Variants in SLC35B4 observed in about 807,000 individuals in gnomAD.
SLC35B4 encodes the protein solute carrier family 35 member B4.
In SLC35B4, 28 loss-of-function variants were observed where a neutral mutation model predicts 39.5. The ratio of observed to expected loss-of-function variants is 0.71; its 90% CI spans 0.53 to 0.97. The LOEUF (loss-of-function observed/expected upper bound fraction) is 0.97, where lower values mean the gene tolerates loss of function less well. SLC35B4 is among the 50% of genes least tolerant of loss of function. The probability of loss-of-function intolerance (pLI) is 0.00; values close to 1 mark genes in which losing one functional copy is unlikely to be tolerated. For synonymous variants in SLC35B4, 145 were observed against 150.4 expected, an observed-to-expected ratio of 0.96 and a Z score of 0.26; for missense variants, 334 against 414.3, an observed-to-expected ratio of 0.81 and a Z score of 1.68.
At chr7:134,298,250 A>G (rs1040234825) in intron 8 of SLC35B4, among the ~76,000 whole-genome samples, 1 of 152,216 alleles carries the variant, frequency 6.6e-6, no homozygotes, top group African/African-American at 2.4e-5. Flanking sequence ...TATTGAAATG[A>G]AAAGGAAGTT....
At chr7:134,307,302 A>C (rs1474582087) in intron 2 of SLC35B4, among the ~76,000 whole-genome samples, 4 of 151,106 alleles carry the variant, frequency 2.6e-5, no homozygotes, top group African/African-American at 9.8e-5. Context: ...CTGTTTTTTG[A>C]AAGTTTATAG....
chr7:134,305,816 G>A (rs1326077618), intron 3 of SLC35B4, among the ~76,000 whole-genome samples: 7 of 151,998 alleles, frequency 4.6e-5, no homozygotes, highest in African/African-American at 7.2e-5. Flanking sequence ...GATTACAGGC[G>A]TGTGCCACCA....
intron 6 of SLC35B4, among the ~76,000 whole-genome samples, chr7:134,301,249 G>T (rs1238171126): frequency 6.6e-6 from 1 of 152,140 alleles, no homozygotes; most frequent in African/African-American, 2.4e-5. Flanking sequence ...AGCTCTACAG[G>T]AGCTGCCTAT....
chr7:134,300,440 ATCT>A (rs1358511558), intron 6 of SLC35B4, among the ~76,000 whole-genome samples, 179 bp from the exon 7 acceptor site: 2 of 152,204 alleles, frequency 1.3e-5, no homozygotes, highest in African/African-American at 4.8e-5. Context: ...AGCTTTCTAC[ATCT>A]TCTTATATAT....
chr7:134,316,428 C>G (rs1260717432), intron 1 of SLC35B4, among the ~76,000 whole-genome samples: 1 of 152,256 alleles, frequency 6.6e-6, no homozygotes, highest in Non-Finnish European at 1.5e-5. Flanking sequence ...GAGTCTTCCC[C>G]TCGCAGGAAT....
In SLC35B4 at chr7:134,300,464, A is replaced by C. The variant is rs139283960; in HGVS notation, c.488-203T>G. ...CATCTTCTTATATATTCATTTATGT[A>C]AATTTTTTTACACTAAGACAGGATC... On this transcript the variant is annotated intron_variant, in intron 6 of 9. Coordinates refer to ENST00000378509, the MANE Select transcript of SLC35B4 (RefSeq NM_032826.5). 7.4e-4 allele frequency among the ~76,000 whole-genome samples: 112 copies of C among 152,332 alleles called. 2 individuals are homozygous for C. In the East Asian group the frequency reaches 0.02, roughly 28 times the overall value.
At chr7:134,304,920 A>G in intron 3 of SLC35B4, 66 bp from the exon 4 acceptor site, 2 of 1,249,520 alleles carry the variant, frequency 1.6e-6, no homozygotes, top group Non-Finnish European at 2.3e-6. Context: ...GTAATTCGAG[A>G]GAATAGGAAC....
Position 134,294,639 on chromosome 7 carries a change from T to C in SLC35B4, c.*194A>G, listed in dbSNP as rs1256617311. The C allele has an allele frequency of 3.3e-6, 2 of 601,014 alleles. No individual in the cohort carries two copies. Among genetic ancestry groups the C allele is most frequent in the African/African-American group, 3.7e-5 (2 of 54,044 alleles). The allele number at this position is 601,014 out of a possible 1,614,324, so 37.2% of individuals were successfully genotyped here. A position where few individuals can be genotyped will look rare whatever the true frequency, so the allele number is the denominator to read the frequency against. ...TCCAGAACTGTTCTTTTTTCTATTT[T>C]AGGGCTGAGGGGTTTCTATTTAGTC... On this transcript the variant is annotated 3_prime_UTR_variant, in exon 10 of 10. Coordinates refer to ENST00000378509, the MANE Select transcript of SLC35B4 (RefSeq NM_032826.5).
intron 9 of SLC35B4, among the ~76,000 whole-genome samples, chr7:134,295,371 T>A (rs1429528932): frequency 6.6e-6 from 1 of 151,994 alleles, no homozygotes; most frequent in East Asian, 1.9e-4. Flanking sequence ...AGGGTGACGC[T>A]CTCGGTAAGG....
intron 8 of SLC35B4, among the ~76,000 whole-genome samples, chr7:134,297,058 C>T (rs1341921248): frequency 6.6e-6 from 1 of 152,300 alleles, no homozygotes; most frequent in East Asian, 1.9e-4. Flanking sequence ...GTAGCTGGGA[C>T]TACAGGCACA....
upstream of SLC35B4, among the ~76,000 whole-genome samples, chr7:134,319,461 T>G (rs1355747029): frequency 1.3e-5 from 2 of 152,330 alleles, no homozygotes; most frequent in African/African-American, 2.4e-5. Context: ...TCCAGTTTCC[T>G]TAATGGGCTC....
rs565414410 is a variant in SLC35B4, at chr7:134,297,846, C to T, written c.674-1380G>A. On this transcript the variant is annotated intron_variant, in intron 8 of 9. Coordinates refer to ENST00000378509, the MANE Select transcript of SLC35B4 (RefSeq NM_032826.5). ...GGCCCAGGAGCTCGAGACCAATCTA[C>T]CATTCTGGGCAACAGGGAGGTCCTG... Among the ~76,000 whole-genome samples, 5 of 152,292 alleles carry T rather than the reference C, an allele frequency of 3.3e-5. No homozygotes were observed. In the East Asian group the frequency reaches 9.6e-4, roughly 29 times the overall value.
rs1803348738 is a variant in SLC35B4, at chr7:134,292,308, A to G, written c.*2525T>C. ...AAGTATTAACTGGTGTCCATTAGAC[A>G]TATTTCCTTATATTCAGCTACTAGA... On this transcript the variant is annotated 3_prime_UTR_variant, in exon 10 of 10. Coordinates refer to ENST00000378509, the MANE Select transcript of SLC35B4 (RefSeq NM_032826.5). 6.6e-6 allele frequency: 1 copy of G among 152,606 alleles called. No individual in the cohort carries two copies. Among genetic ancestry groups the G allele is most frequent in the South Asian group, 2.1e-4 (1 of 4,838 alleles). 9.5% of individuals were successfully genotyped at this position (152,606 alleles called of 1,614,324 possible). A position where few individuals can be genotyped will look rare whatever the true frequency, so the allele number is the denominator to read the frequency against.
At chr7:134,312,621 T>A (rs937586614) in intron 1 of SLC35B4, among the ~76,000 whole-genome samples, 2 of 152,344 alleles carry the variant, frequency 1.3e-5, no homozygotes, top group East Asian at 1.9e-4. Context: ...TAGAATCTTA[T>A]AATTTCTACA....
chr7:134,289,768 T>C lies in SLC35B4; in HGVS notation c.*5065A>G, dbSNP rs1030455476. 1 of 152,204 alleles carries C rather than the reference T, an allele frequency of 6.6e-6. No individual in the cohort carries two copies. The highest frequency in any genetic ancestry group is 2.4e-5 in the African/African-American group (1 of 41,452). 9.4% of individuals were successfully genotyped at this position (152,204 alleles called of 1,614,324 possible). A position where few individuals can be genotyped will look rare whatever the true frequency, so the allele number is the denominator to read the frequency against. ...TGCTCTCTTTGGTTCACAAGAGTCATCTATGCATTTCAAAAGATATCAGTA... is the reference window on the plus strand; with the variant it reads ...TGCTCTCTTTGGTTCACAAGAGTCACCTATGCATTTCAAAAGATATCAGTA... On this transcript the variant is annotated 3_prime_UTR_variant, in exon 10 of 10. Coordinates refer to ENST00000378509, the MANE Select transcript of SLC35B4 (RefSeq NM_032826.5).
At chr7:134,299,374 C>T (rs1018933012) in intron 8 of SLC35B4, 149 bp downstream of exon 8, 3 of 500,546 alleles carry the variant, frequency 6.0e-6, no homozygotes, top group Non-Finnish European at 1.1e-5. Context: ...TTTGCTGCTG[C>T]AATGACTGGA....
rs1803307122 is a variant in SLC35B4 at position 134,290,369 on chromosome 7, A to AT, written c.*4463_*4464insA. Reference sequence around the variant, plus strand: ...TGAGGAGTGGGAACAGGTATCACGAACCCTCAGGTTTTCCAGAAACTTGAG... The same window carrying AT: ...TGAGGAGTGGGAACAGGTATCACGAATCCCTCAGGTTTTCCAGAAACTTGAG... On this transcript the variant is annotated 3_prime_UTR_variant, in exon 10 of 10. Coordinates refer to ENST00000378509, the MANE Select transcript of SLC35B4 (RefSeq NM_032826.5). 6.6e-6 allele frequency: 1 copy of AT among 152,122 alleles called. No homozygotes were observed. The highest frequency in any genetic ancestry group is 1.5e-5 in the Non-Finnish European group (1 of 68,034). 9.4% of individuals were successfully genotyped at this position (152,122 alleles called of 1,614,324 possible).
upstream of SLC35B4, among the ~76,000 whole-genome samples, chr7:134,319,809 G>A (rs958972941): frequency 1.3e-5 from 2 of 152,072 alleles, no homozygotes; most frequent in African/African-American, 4.8e-5. Flanking sequence ...AAAGTTTTCG[G>A]TCTTCCTCTT....
In SLC35B4 at chr7:134,290,417, A is replaced by G. The variant is rs1803308116; in HGVS notation, c.*4416T>C. ...GAGGGAAGAAGAGATCTTGGCAAGCATTCATTTATTCACATAACATAAGCC... is the reference window on the plus strand; with the variant it reads ...GAGGGAAGAAGAGATCTTGGCAAGCGTTCATTTATTCACATAACATAAGCC... On this transcript the variant is annotated 3_prime_UTR_variant, in exon 10 of 10. Transcript: ENST00000378509. 6.6e-6 allele frequency: 1 copy of G among 152,230 alleles called. No homozygotes were observed. The highest frequency in any genetic ancestry group is 2.4e-5 in the African/African-American group (1 of 41,472). 9.4% of individuals were successfully genotyped at this position (152,230 alleles called of 1,614,324 possible).
Sources: gnomAD v4.1 joint callset for allele counts (sites outside exome capture counted in the v4.1 genomes callset) on GRCh38, gnomAD v4.1.1 for gene constraint, MANE v1.5 for transcripts, NCBI Gene and HGNC (gene_info 2026-07-23, HGNC 2026-07-21) for gene names.